The following DGKB variants were observed in gnomAD, a reference collection of about 807,000 sequenced individuals.
DGKB encodes the protein diacylglycerol kinase beta, also known as 90 kDa diacylglycerol kinase.
In DGKB, 67 loss-of-function variants were observed where a neutral mutation model predicts 114.3. That is an observed-to-expected ratio of 0.59 (90% confidence interval 0.48 to 0.72). The LOEUF is 0.72. Among genes scored for constraint, DGKB ranks in the 30% least tolerant of loss-of-function variants. The pLI is 0.00. For missense variants in DGKB, 907 were observed against 975.2 expected, an observed-to-expected ratio of 0.93 and a Z score of 0.93; for synonymous variants, 398 against 323.1, an observed-to-expected ratio of 1.23 and a Z score of -2.49.
At chr7:14,913,456 T>A (rs1293291419) in intron 1 of DGKB, among the ~76,000 whole-genome samples, 1 of 149,158 alleles carries the variant, frequency 6.7e-6, no homozygotes, top group Non-Finnish European at 1.5e-5. Context: ...TACCTTTGAG[T>A]AAGAAAATTG....
intron 21 of DGKB, among the ~76,000 whole-genome samples, chr7:14,376,395 T>C (rs1267971366): frequency 6.6e-6 from 1 of 152,206 alleles, no homozygotes; most frequent in African/African-American, 2.4e-5. Context: ...ATCCTTCTTG[T>C]CTCAGAAATT....
At chr7:14,582,986 A>G in intron 18 of DGKB, 66 bp downstream of exon 18, 2 of 1,023,120 alleles carry the variant, frequency 2.0e-6, no homozygotes, top group Admixed American at 1.8e-5. Context: ...CAATAGACAC[A>G]TAGATGAAAC....
chr7:14,663,853 G>T (rs2128929797), intron 13 of DGKB, among the ~76,000 whole-genome samples: 1 of 151,508 alleles, frequency 6.6e-6, no homozygotes, highest in South Asian at 2.1e-4. Flanking sequence ...CTAAATGATT[G>T]CCACTTTTGC....
At chr7:14,526,856 T>C (rs76250310) in intron 20 of DGKB, among the ~76,000 whole-genome samples, 221 of 152,234 alleles carry the variant, frequency 1.5e-3, no homozygotes, top group Non-Finnish European at 2.7e-3. Context: ...TGTGTGAACT[T>C]AGCAGTTCAC....
intron 22 of DGKB, among the ~76,000 whole-genome samples, chr7:14,339,097 T>C (rs1164531860): frequency 6.6e-6 from 1 of 151,934 alleles, no homozygotes; most frequent in Non-Finnish European, 1.5e-5. Context: ...TGATTGCCCC[T>C]GTTTAGAACA....
At chr7:14,259,063 G>C (rs1796349680) in intron 23 of DGKB, among the ~76,000 whole-genome samples, 3 of 151,984 alleles carry the variant, frequency 2.0e-5, no homozygotes, top group Admixed American at 2.0e-4. Flanking sequence ...TTTCCTTGTT[G>C]AACATGGTTT....
At chr7:14,791,087 G>A (rs376218732) in intron 2 of DGKB, among the ~76,000 whole-genome samples, 35 of 151,934 alleles carry the variant, frequency 2.3e-4, no homozygotes, top group East Asian at 5.8e-4. Context: ...TACCTCTGCC[G>A]CCTTAAATGT....
chr7:14,596,335 G>A (rs1802572138), intron 17 of DGKB, among the ~76,000 whole-genome samples: 1 of 152,110 alleles, frequency 6.6e-6, no homozygotes, highest in Non-Finnish European at 1.5e-5. Context: ...ATTTTCCAAG[G>A]ATAAGCTTTG....
At chr7:14,270,048 CAAAAAAAAA>C (rs397889901) in intron 23 of DGKB, among the ~76,000 whole-genome samples, 529 of 52,876 alleles carry the variant, frequency 0.01, 7 homozygotes, top group African/African-American at 0.037. Flanking sequence ...GCTTTTTTTG[CAAAAAAAAA>C]AAAAAAAAAA....
At chr7:14,467,117 T>C (rs1780589303) in intron 21 of DGKB, among the ~76,000 whole-genome samples, 1 of 151,288 alleles carries the variant, frequency 6.6e-6, no homozygotes, top group African/African-American at 2.4e-5. Context: ...TGAGTTTTTG[T>C]ATGTTATGTA....
chr7:14,659,655 A>G (rs573697272), intron 13 of DGKB, among the ~76,000 whole-genome samples: 2 of 147,870 alleles, frequency 1.4e-5, no homozygotes, highest in East Asian at 2.3e-4. Flanking sequence ...GGTTTTCTAG[A>G]TATACAATCA....
intron 2 of DGKB, among the ~76,000 whole-genome samples, chr7:14,811,383 A>T (rs765413753): frequency 3.3e-5 from 5 of 152,156 alleles, no homozygotes; most frequent in Non-Finnish European, 5.9e-5. Context: ...TAGTAACAGG[A>T]AGTTTTAATA....
intron 1 of DGKB, among the ~76,000 whole-genome samples, chr7:14,961,353 T>C (rs2115271075): frequency 6.6e-6 from 1 of 152,292 alleles, no homozygotes; most frequent in East Asian, 1.9e-4. Flanking sequence ...GACTCTTTAG[T>C]AACCAAACCT....
intron 20 of DGKB, among the ~76,000 whole-genome samples, chr7:14,529,084 AC>A (rs1389225100): frequency 2.6e-5 from 4 of 152,070 alleles, no homozygotes; most frequent in African/African-American, 9.6e-5. Flanking sequence ...TAATGAAGTA[AC>A]ATGAGAAGTA....
intron 21 of DGKB, among the ~76,000 whole-genome samples, chr7:14,371,389 A>G (rs1469381784): frequency 6.6e-6 from 1 of 151,940 alleles, no homozygotes; most frequent in Non-Finnish European, 1.5e-5. Context: ...ATAGTATCTC[A>G]CTGTGGTTTT....
chr7:14,585,937 C>G (rs754962028), intron 17 of DGKB, among the ~76,000 whole-genome samples: 1 of 152,102 alleles, frequency 6.6e-6, no homozygotes, highest in Non-Finnish European at 1.5e-5. Flanking sequence ...CACCCACCAG[C>G]GGTTCTCCTG....
intron 1 of DGKB, among the ~76,000 whole-genome samples, chr7:14,882,250 G>C (rs1854342700): frequency 6.6e-6 from 1 of 151,966 alleles, no homozygotes. Context: ...ATGAATACCT[G>C]AAGGATGTAG....
intron 8 of DGKB, among the ~76,000 whole-genome samples, chr7:14,696,588 G>A (rs531780176): frequency 6.7e-6 from 1 of 149,974 alleles, no homozygotes; most frequent in African/African-American, 2.4e-5. Context: ...ATAACAAGCT[G>A]GCTTGATTGA....
chr7:14,955,857 G>A (rs1227348899), intron 1 of DGKB, among the ~76,000 whole-genome samples: 1 of 151,944 alleles, frequency 6.6e-6, no homozygotes, highest in Non-Finnish European at 1.5e-5. Flanking sequence ...AATATAAACA[G>A]ACAGCGTATT....
Sources: allele counts gnomAD v4.1 joint callset (sites outside exome capture counted in the v4.1 genomes callset), GRCh38; gene constraint gnomAD v4.1.1; transcripts MANE v1.5; gene names NCBI Gene and HGNC (gene_info 2026-07-23, HGNC 2026-07-21).